The following CSMD1 variants were observed in gnomAD, a reference collection of about 807,000 sequenced individuals.
CSMD1 encodes the protein CUB and sushi domain-containing protein 1.
CSMD1 carries 213 observed loss-of-function variants against 417.5 expected under a neutral mutation model. That is an observed-to-expected ratio of 0.51 (90% CI 0.46 to 0.57). The LOEUF (loss-of-function observed/expected upper bound fraction) is 0.57, where lower values mean the gene tolerates loss of function less well. Ranked by LOEUF, CSMD1 falls within the 20% of genes least tolerant of loss-of-function variation. CSMD1 has a pLI of 0.00. For synonymous variants in CSMD1, 2,862 were observed against 1,736.8 expected, an observed-to-expected ratio of 1.65 and a Z score of -16.11; for missense variants, 6,923 against 4,529.7, an observed-to-expected ratio of 1.53 and a Z score of -15.17.
intron 1 of CSMD1, among the ~76,000 whole-genome samples, chr8:4,726,681 C>A (rs966021668): frequency 6.6e-6 from 1 of 152,182 alleles, no homozygotes. Flanking sequence ...CTGCTGCTGT[C>A]CTATTTCATC....
intron 36 of CSMD1, among the ~76,000 whole-genome samples, chr8:3,187,377 G>A (rs898241795): frequency 2.0e-5 from 3 of 152,180 alleles, no homozygotes; most frequent in African/African-American, 7.2e-5. Flanking sequence ...GTGCATTCGT[G>A]AGAGTCGGAG....
chr8:3,258,557 C>T (rs1465422661), intron 26 of CSMD1, among the ~76,000 whole-genome samples: 2 of 152,144 alleles, frequency 1.3e-5, no homozygotes, highest in African/African-American at 4.8e-5. Context: ...GACCTAAAGA[C>T]AGAAATATCA....
intron 1 of CSMD1, among the ~76,000 whole-genome samples, chr8:4,821,094 A>G (rs1375930728): frequency 2.0e-5 from 3 of 152,132 alleles, no homozygotes; most frequent in Non-Finnish European, 4.4e-5. Flanking sequence ...GTAAAAAGAT[A>G]CCAGATTGAT....
intron 2 of CSMD1, among the ~76,000 whole-genome samples, chr8:4,577,789 T>C (rs911630857): frequency 6.6e-6 from 1 of 152,182 alleles, no homozygotes; most frequent in Admixed American, 6.5e-5. Flanking sequence ...TCATTGAGAA[T>C]AAAAAAGATA....
intron 3 of CSMD1, among the ~76,000 whole-genome samples, chr8:4,071,058 G>C (rs1366715479): frequency 6.6e-6 from 1 of 152,100 alleles, no homozygotes; most frequent in Admixed American, 6.5e-5. Context: ...TTTGGCTGTG[G>C]TGTACATGGT....
At chr8:3,991,482 T>C (rs1280229629) in intron 5 of CSMD1, among the ~76,000 whole-genome samples, 3 of 152,182 alleles carry the variant, frequency 2.0e-5, no homozygotes, top group African/African-American at 4.8e-5. Context: ...ATAATATCTA[T>C]CATTATGTTA....
At chr8:4,952,522 A>G (rs536726250) in intron 1 of CSMD1, among the ~76,000 whole-genome samples, 2 of 152,160 alleles carry the variant, frequency 1.3e-5, no homozygotes, top group African/African-American at 4.8e-5. Flanking sequence ...AATTACTTAA[A>G]TTCTATTTTT....
intron 25 of CSMD1, among the ~76,000 whole-genome samples, chr8:3,301,164 T>C (rs1804372420): frequency 6.6e-6 from 1 of 152,070 alleles, no homozygotes; most frequent in Non-Finnish European, 1.5e-5. Context: ...ATATAGACAT[T>C]AGTTTTATAG....
At chr8:4,436,566 T>G (rs1290911956) in intron 2 of CSMD1, among the ~76,000 whole-genome samples, 4 of 152,158 alleles carry the variant, frequency 2.6e-5, no homozygotes, top group African/African-American at 4.8e-5. Context: ...ATTTTAAAAT[T>G]GACAGTTACT....
intron 5 of CSMD1, among the ~76,000 whole-genome samples, chr8:3,927,183 G>A (rs1279534868): frequency 6.6e-6 from 1 of 151,740 alleles, no homozygotes; most frequent in Non-Finnish European, 1.5e-5. Context: ...TAATTTATTA[G>A]AGATATTATA....
At chr8:4,540,844 G>C (rs11998296) in intron 2 of CSMD1, among the ~76,000 whole-genome samples, 6,262 of 152,012 alleles carry the variant, frequency 0.041, 402 homozygotes, top group African/African-American at 0.14. Context: ...AAAGGTAAAG[G>C]CTCACCCAAA....
intron 1 of CSMD1, among the ~76,000 whole-genome samples, chr8:4,845,678 T>A (rs1764787469): frequency 6.6e-6 from 1 of 152,166 alleles, no homozygotes; most frequent in Non-Finnish European, 1.5e-5. Context: ...ATGTGTAATA[T>A]TTTGACAAGG....
intron 1 of CSMD1, among the ~76,000 whole-genome samples, chr8:4,976,314 G>C (rs1253961385): frequency 1.3e-5 from 2 of 152,172 alleles, no homozygotes; most frequent in African/African-American, 2.4e-5. Flanking sequence ...TACCTCAGAA[G>C]TTGCAGCTGT....
intron 3 of CSMD1, among the ~76,000 whole-genome samples, chr8:4,364,693 C>T (rs1178789468): frequency 1.7e-5 from 1 of 59,008 alleles, no homozygotes; most frequent in Non-Finnish European, 2.8e-5. Context: ...GGCGTAGTGG[C>T]GGGCGCCTGT....
At chr8:4,075,091 T>A (rs1413504596) in intron 3 of CSMD1, among the ~76,000 whole-genome samples, 2 of 152,130 alleles carry the variant, frequency 1.3e-5, no homozygotes, top group African/African-American at 4.8e-5. Context: ...TTCAGTATTA[T>A]TAGACAAAGA....
intron 49 of CSMD1, among the ~76,000 whole-genome samples, chr8:3,056,643 T>C (rs1483734904): frequency 6.6e-6 from 1 of 152,156 alleles, no homozygotes; most frequent in Non-Finnish European, 1.5e-5. Flanking sequence ...GTGCTGGGAT[T>C]ACAAGCATGA....
At chr8:3,722,601 C>A (rs191475292) in intron 6 of CSMD1, among the ~76,000 whole-genome samples, 16 of 152,134 alleles carry the variant, frequency 1.1e-4, no homozygotes, top group Non-Finnish European at 2.4e-4. Flanking sequence ...TTAAAAGGAC[C>A]CTGGTGGGAA....
At chr8:4,891,808 A>C (rs1270042660) in intron 1 of CSMD1, among the ~76,000 whole-genome samples, 1 of 152,174 alleles carries the variant, frequency 6.6e-6, no homozygotes, top group Non-Finnish European at 1.5e-5. Flanking sequence ...AGTCTAACTT[A>C]ATTAAATGCA....
At chr8:3,796,457 A>C (rs1262647315) in intron 5 of CSMD1, among the ~76,000 whole-genome samples, 1 of 138,508 alleles carries the variant, frequency 7.2e-6, no homozygotes, top group African/African-American at 2.6e-5. Context: ...ATAGATATAG[A>C]TATCTATCAT....
Sources: gnomAD v4.1 joint callset for allele counts (sites outside exome capture counted in the v4.1 genomes callset) on GRCh38, gnomAD v4.1.1 for gene constraint, MANE v1.5 for transcripts, NCBI Gene and HGNC (gene_info 2026-07-23, HGNC 2026-07-21) for gene names.